Variants in MBNL1 observed in about 807,000 individuals in gnomAD.
MBNL1 encodes the protein muscleblind like splicing regulator 1, also known as muscleblind-like protein 1.
A neutral mutation model predicts 42.2 loss-of-function variants in MBNL1; 8 were observed. The ratio of observed to expected loss-of-function variants is 0.19; its 90% CI spans 0.11 to 0.34. MBNL1 has a LOEUF of 0.34. Ranked by LOEUF, MBNL1 falls within the 10% of genes least tolerant of loss-of-function variation. MBNL1 has a pLI of 1.00. For missense variants in MBNL1, 309 were observed against 495.3 expected, an observed-to-expected ratio of 0.62 and a Z score of 3.57; for synonymous variants, 169 against 173.9, an observed-to-expected ratio of 0.97 and a Z score of 0.22.
intron 2 of MBNL1, among the ~76,000 whole-genome samples, chr3:152,370,791 T>A (rs570383230): frequency 6.6e-6 from 1 of 152,288 alleles, no homozygotes; most frequent in South Asian, 2.1e-4. Flanking sequence ...TGGTTTAAAG[T>A]CTGTTTTATC....
rs1195938511 is a variant in MBNL1, at chr3:152,340,514, A to G, written c.174+40147A>G. The G allele has an allele frequency of 1.9e-6, 3 of 1,574,728 alleles. No homozygotes were observed. In the African/African-American group the frequency reaches 4.1e-5, roughly 22 times the overall value. On this transcript the variant is annotated intron_variant, in intron 2 of 9. Transcript: ENST00000324210. The stretch of plus-strand genomic sequence containing the variant: ...CTCAGAGTATATTAAAAATAGTGGA[A>G]GTTGGGAGATTTTTAATTCTTCATG...
At chr3:152,332,731 T>TGCGCGC in intron 2 of MBNL1, among the ~76,000 whole-genome samples, 1 of 134,172 alleles carries the variant, frequency 7.5e-6, no homozygotes, top group African/African-American at 3.0e-5. Context: ...TGTGTGTGTG[T>TGCGCGC]GTGTGTGTGC....
At chr3:152,317,046 C>T (rs759277376) in intron 2 of MBNL1, among the ~76,000 whole-genome samples, 1 of 151,852 alleles carries the variant, frequency 6.6e-6, no homozygotes, top group Non-Finnish European at 1.5e-5. Context: ...ATATATTTTT[C>T]TTTATAAATA....
At chr3:152,256,516 G>T (rs760864546) in intron 2 of MBNL1, among the ~76,000 whole-genome samples, 3 of 151,992 alleles carry the variant, frequency 2.0e-5, no homozygotes, top group African/African-American at 4.8e-5. Context: ...ACATCAACCC[G>T]CTCCCCTTAA....
intron 2 of MBNL1, among the ~76,000 whole-genome samples, chr3:152,308,115 A>G (rs1332482390): frequency 6.6e-6 from 1 of 152,208 alleles, no homozygotes; most frequent in African/African-American, 2.4e-5. Context: ...AAGCAAGGTG[A>G]TTAAGTCATC....
At chr3:152,400,036 G>A (rs1394649027) in intron 2 of MBNL1, among the ~76,000 whole-genome samples, 1 of 152,074 alleles carries the variant, frequency 6.6e-6, no homozygotes, top group Non-Finnish European at 1.5e-5. Context: ...ACATTGTCGG[G>A]ACCTTACATG....
chr3:152,338,169 G>A, intron 2 of MBNL1: 2 of 985,404 alleles, frequency 2.0e-6, no homozygotes, highest in Non-Finnish European at 2.4e-6. Context: ...TGTATGGGAT[G>A]CTAGAATGGC....
At chr3:152,373,069 C>T (rs754778542) in intron 2 of MBNL1, among the ~76,000 whole-genome samples, 26 of 152,240 alleles carry the variant, frequency 1.7e-4, no homozygotes, top group Middle Eastern at 3.4e-3. Flanking sequence ...CTGCCCAATT[C>T]GAACTTCCCA....
intron 1 of MBNL1, chr3:152,298,959 A>G (rs2059714872): frequency 1.3e-5 from 2 of 152,336 alleles, no homozygotes; most frequent in Non-Finnish European, 1.5e-5. Flanking sequence ...AGCTGTTTTG[A>G]AACTAACATG....
intron 2 of MBNL1, among the ~76,000 whole-genome samples, chr3:152,372,239 G>T (rs1228204012): frequency 6.6e-6 from 1 of 152,142 alleles, no homozygotes; most frequent in South Asian, 2.1e-4. Flanking sequence ...CTTGCAGTGG[G>T]TTAGAATGTG....
intron 2 of MBNL1, among the ~76,000 whole-genome samples, chr3:152,387,856 G>C (rs2097517987): frequency 6.6e-6 from 1 of 152,064 alleles, no homozygotes; most frequent in Non-Finnish European, 1.5e-5. Flanking sequence ...GGGTATATTT[G>C]TATGAATTTA....
chr3:152,288,555 C>T (rs1411297930), intron 1 of MBNL1, among the ~76,000 whole-genome samples: 1 of 152,078 alleles, frequency 6.6e-6, no homozygotes, highest in African/African-American at 2.4e-5. Flanking sequence ...CAGATATTTT[C>T]TGACATTTGT....
At chr3:152,293,415 T>C (rs969610681) in intron 1 of MBNL1, among the ~76,000 whole-genome samples, 3 of 152,234 alleles carry the variant, frequency 2.0e-5, no homozygotes, top group African/African-American at 7.2e-5. Flanking sequence ...GTTGGTTGTA[T>C]ATGGAAATCT....
intron 8 of MBNL1, 151 bp downstream of exon 8, chr3:152,456,512 A>G (rs1734050791): frequency 4.6e-6 from 3 of 654,036 alleles, no homozygotes; most frequent in Non-Finnish European, 8.6e-6. Context: ...TGGGGTTTCA[A>G]AGATACCTCT....
intron 2 of MBNL1, among the ~76,000 whole-genome samples, chr3:152,358,576 T>G (rs1025752618): frequency 3.3e-5 from 5 of 152,172 alleles, no homozygotes; most frequent in Non-Finnish European, 5.9e-5. Flanking sequence ...AATTGAGATA[T>G]CCAACTGATG....
chr3:152,360,856 T>C (rs1015985396), intron 2 of MBNL1, among the ~76,000 whole-genome samples: 1 of 152,170 alleles, frequency 6.6e-6, no homozygotes, highest in Non-Finnish European at 1.5e-5. Flanking sequence ...TCCATTCCTT[T>C]TGTTAGTCAA....
At chr3:152,397,678 A>G (rs2098031796) in intron 2 of MBNL1, among the ~76,000 whole-genome samples, 1 of 152,146 alleles carries the variant, frequency 6.6e-6, no homozygotes, top group South Asian at 2.1e-4. Context: ...TGGTCCTTTC[A>G]TGGTAATCTT....
chr3:152,334,723 G>A (rs907292520), intron 2 of MBNL1, among the ~76,000 whole-genome samples: 12 of 152,030 alleles, frequency 7.9e-5, no homozygotes, highest in African/African-American at 2.7e-4. Flanking sequence ...AAATTTTAGG[G>A]CAATTATTTG....
intron 2 of MBNL1, chr3:152,302,104 G>A (rs1159241090): frequency 1.3e-5 from 2 of 152,054 alleles, no homozygotes; most frequent in Non-Finnish European, 2.9e-5. Flanking sequence ...CCACAGAACA[G>A]TCCCTTTTTG....
Sources: allele counts gnomAD v4.1 joint callset (sites outside exome capture counted in the v4.1 genomes callset), GRCh38; gene constraint gnomAD v4.1.1; transcripts MANE v1.5; gene names NCBI Gene and HGNC (gene_info 2026-07-23, HGNC 2026-07-21).